The following SGCZ variants were observed in gnomAD, a reference collection of about 807,000 sequenced individuals.
SGCZ encodes the protein sarcoglycan zeta.
In SGCZ, 40 loss-of-function variants were observed where a neutral mutation model predicts 41.3. The observed-to-expected ratio is 0.97, with a 90% CI of 0.75 to 1.26. SGCZ has a LOEUF of 1.26. SGCZ is among the 50% of genes most tolerant of loss of function. The pLI, the probability that SGCZ is intolerant of heterozygous loss-of-function variation, is 0.00. For missense variants in SGCZ, 552 were observed against 369.8 expected, an observed-to-expected ratio of 1.49 and a Z score of -4.04; for synonymous variants, 206 against 137.5, an observed-to-expected ratio of 1.50 and a Z score of -3.49.
At chr8:15,066,118 C>G (rs1480081143) in intron 1 of SGCZ, among the ~76,000 whole-genome samples, 1 of 151,596 alleles carries the variant, frequency 6.6e-6, no homozygotes, top group East Asian at 1.9e-4. Flanking sequence ...ACCATCCTGG[C>G]TAACAAGGTG....
At chr8:14,098,932 C>T (rs1328875551) in intron 7 of SGCZ, among the ~76,000 whole-genome samples, 1 of 151,964 alleles carries the variant, frequency 6.6e-6, no homozygotes, top group Non-Finnish European at 1.5e-5. Context: ...GTTCTCCCAT[C>T]CATTTAGGGG....
At chr8:14,883,292 T>C (rs1804664052) in intron 1 of SGCZ, among the ~76,000 whole-genome samples, 1 of 151,430 alleles carries the variant, frequency 6.6e-6, no homozygotes. Flanking sequence ...CTTTCTCCTG[T>C]ATTTTTCAGT....
At chr8:14,509,699 T>C (rs894831145) in intron 2 of SGCZ, among the ~76,000 whole-genome samples, 2 of 152,132 alleles carry the variant, frequency 1.3e-5, no homozygotes, top group Non-Finnish European at 2.9e-5. Flanking sequence ...CACACTGCTA[T>C]AAAGAAATAC....
intron 3 of SGCZ, among the ~76,000 whole-genome samples, chr8:14,301,677 C>T (rs183651810): frequency 6.6e-5 from 10 of 152,072 alleles, no homozygotes; most frequent in African/African-American, 2.4e-4. Flanking sequence ...ATATTTATGG[C>T]CCAAACCCAT....
At chr8:14,813,267 A>C (rs1189491020) in intron 1 of SGCZ, among the ~76,000 whole-genome samples, 1 of 152,180 alleles carries the variant, frequency 6.6e-6, no homozygotes, top group East Asian at 1.9e-4. Flanking sequence ...ATACATGTAC[A>C]TTGTATTCAC....
chr8:14,495,201 T>G (rs989234600), intron 2 of SGCZ, among the ~76,000 whole-genome samples: 2 of 152,194 alleles, frequency 1.3e-5, no homozygotes, highest in African/African-American at 4.8e-5. Flanking sequence ...ACATATTATC[T>G]TCTTTGGGTA....
intron 1 of SGCZ, among the ~76,000 whole-genome samples, chr8:15,048,534 C>T (rs375540648): frequency 3.4e-4 from 52 of 152,042 alleles, no homozygotes; most frequent in African/African-American, 1.2e-3. Context: ...ATGGAAATTC[C>T]AATTATCCTG....
intron 4 of SGCZ, among the ~76,000 whole-genome samples, chr8:14,173,109 A>G (rs1804437282): frequency 2.0e-5 from 3 of 152,154 alleles, no homozygotes. Context: ...TAGAAAGTCT[A>G]AAATCATACT....
chr8:14,418,899 C>T (rs993257297), intron 2 of SGCZ, among the ~76,000 whole-genome samples: 3 of 151,872 alleles, frequency 2.0e-5, no homozygotes, highest in Non-Finnish European at 4.4e-5. Flanking sequence ...ATCAGAAAAA[C>T]ATAATTGGAT....
Position 14,089,192 on chromosome 8 carries a change from T to C in SGCZ, c.*1251A>G, listed in dbSNP as rs1232411238. ...ATGAAAAGAACTATAATTTTTGAGGTCAGGGTAGCCTAACAACGATCTAAT... is the reference window on the plus strand; with the variant it reads ...ATGAAAAGAACTATAATTTTTGAGGCCAGGGTAGCCTAACAACGATCTAAT... On this transcript the variant is annotated 3_prime_UTR_variant, in exon 8 of 8. Transcript: ENST00000382080. 6.6e-6 allele frequency among the ~76,000 whole-genome samples: 1 copy of C among 151,932 alleles called. No homozygotes were observed. Among genetic ancestry groups the C allele is most frequent in the Non-Finnish European group, 1.5e-5 (1 of 67,938 alleles).
chr8:14,374,830 A>G (rs1349428217), intron 2 of SGCZ, among the ~76,000 whole-genome samples: 2 of 152,204 alleles, frequency 1.3e-5, no homozygotes, highest in African/African-American at 4.8e-5. Flanking sequence ...AACATTATGG[A>G]GTCCTGAGGG....
chr8:15,066,416 T>A (rs996301851), intron 1 of SGCZ, among the ~76,000 whole-genome samples: 1 of 152,080 alleles, frequency 6.6e-6, no homozygotes, highest in Non-Finnish European at 1.5e-5. Flanking sequence ...TATATTATAA[T>A]AACTGTTCCA....
intron 1 of SGCZ, among the ~76,000 whole-genome samples, chr8:15,197,001 T>G (rs866289946): frequency 2.4e-4 from 36 of 152,184 alleles, no homozygotes; most frequent in African/African-American, 8.4e-4. Context: ...AGTCCCAGAG[T>G]GCAAAGAAAG....
intron 5 of SGCZ, among the ~76,000 whole-genome samples, chr8:14,125,194 AT>A (rs1563140737): frequency 1.3e-5 from 2 of 152,154 alleles, no homozygotes; most frequent in East Asian, 3.9e-4. Flanking sequence ...AAGAATCACT[AT>A]TGTTGGCCAG....
Position 14,793,888 on chromosome 8 carries a change from A to C in SGCZ, c.40-238962T>G, listed in dbSNP as rs1216796671. ...CATATCAATACATGAGAAATGATGA[A>C]TATATGCTTAAGAAATGCAAAATTC... is the stretch of plus-strand genomic sequence containing the variant. On this transcript the variant is annotated intron_variant, in intron 1 of 7. Coordinates refer to ENST00000382080, the MANE Select transcript of SGCZ (RefSeq NM_139167.4). Among the ~76,000 whole-genome samples the C allele has an allele frequency of 2.6e-5, 4 of 152,138 alleles. No individual in the cohort carries two copies. In the East Asian group the frequency reaches 7.7e-4, roughly 29 times the overall value.
At chr8:14,234,642 T>C (rs914839023) in intron 4 of SGCZ, among the ~76,000 whole-genome samples, 5 of 151,950 alleles carry the variant, frequency 3.3e-5, no homozygotes, top group African/African-American at 9.7e-5. Flanking sequence ...GACTGTACTA[T>C]AACCAAGGCC....
At chr8:14,501,498 T>C (rs1050003895) in intron 2 of SGCZ, among the ~76,000 whole-genome samples, 41 of 152,078 alleles carry the variant, frequency 2.7e-4, no homozygotes, top group Admixed American at 1.4e-3. Flanking sequence ...GTATTTTAGC[T>C]CTTATAATTT....
intron 3 of SGCZ, among the ~76,000 whole-genome samples, chr8:14,244,591 C>T (rs1799017667): frequency 6.6e-6 from 1 of 151,496 alleles, no homozygotes. Flanking sequence ...TTTTTGGTTC[C>T]ATATGAACTT....
chr8:15,148,564 T>C (rs1235078728), intron 1 of SGCZ, among the ~76,000 whole-genome samples: 1 of 152,206 alleles, frequency 6.6e-6, no homozygotes, highest in Non-Finnish European at 1.5e-5. Context: ...CTAAATATCC[T>C]CTGTCTAGTT....
Sources: allele counts gnomAD v4.1 joint callset (sites outside exome capture counted in the v4.1 genomes callset), GRCh38; gene constraint gnomAD v4.1.1; transcripts MANE v1.5; gene names NCBI Gene and HGNC (gene_info 2026-07-23, HGNC 2026-07-21).